CEP126: variants seen among roughly 807,000 people sequenced by gnomAD.
The protein encoded by CEP126 is centrosomal protein 126.
Under a neutral mutation model 107.8 loss-of-function variants are expected in CEP126, and 74 were observed. The ratio of observed to expected loss-of-function variants is 0.69; its 90% confidence interval spans 0.57 to 0.83. The LOEUF (loss-of-function observed/expected upper bound fraction) is 0.83, where lower values mean the gene tolerates loss of function less well. Among genes scored for constraint, CEP126 ranks in the 40% least tolerant of loss-of-function variants. The pLI, the probability that CEP126 is intolerant of heterozygous loss-of-function variation, is 0.00. For synonymous variants in CEP126, 449 were observed against 446.0 expected, an observed-to-expected ratio of 1.01 and a Z score of -0.08; for missense variants, 1,237 against 1,281.9, an observed-to-expected ratio of 0.96 and a Z score of 0.53.
At chr11:101,946,749 A>G (rs959059440) in intron 3 of CEP126, among the ~76,000 whole-genome samples, 2 of 151,788 alleles carry the variant, frequency 1.3e-5, no homozygotes, top group African/African-American at 2.4e-5. Flanking sequence ...AATCCCAACT[A>G]CTAGGAAGGC....
intron 9 of CEP126, among the ~76,000 whole-genome samples, chr11:101,987,967 T>TAAAAA (rs3043916): frequency 3.4e-5 from 5 of 145,822 alleles, no homozygotes; most frequent in East Asian, 2.0e-4. Flanking sequence ...AGCCTACAAT[T>TAAAAA]AAAAAAAAAG....
At chr11:101,926,829 T>C (rs1940419202) in intron 2 of CEP126, among the ~76,000 whole-genome samples, 1 of 152,190 alleles carries the variant, frequency 6.6e-6, no homozygotes, top group Non-Finnish European at 1.5e-5. Flanking sequence ...AGTGGTTTGA[T>C]CTTTTCTTCA....
chr11:101,991,318 ACTAT>A (rs1941378697), intron 9 of CEP126, among the ~76,000 whole-genome samples: 1 of 152,194 alleles, frequency 6.6e-6, no homozygotes, highest in South Asian at 2.1e-4. Context: ...AGACACAAAT[ACTAT>A]CTACCTCAGT....
intron 2 of CEP126, 109 bp from the exon 3 acceptor site, chr11:101,944,156 A>G: frequency 4.8e-6 from 5 of 1,051,608 alleles, no homozygotes; most frequent in Non-Finnish European, 6.5e-6. Flanking sequence ...TTGTTTTTAA[A>G]TAAAATTTTG....
rs148235786 is a variant in CEP126 at position 101,933,913 on chromosome 11, G to A, written c.249-10352G>A. Among the ~76,000 whole-genome samples, 1,303 of 150,574 alleles carry A rather than the reference G, an allele frequency of 8.7e-3. 10 individuals are homozygous for A. Among genetic ancestry groups the A allele is most frequent in the Non-Finnish European group, 0.014 (925 of 67,730 alleles). On this transcript the variant is annotated intron_variant, in intron 2 of 10. Transcript: ENST00000263468. ...ACCCCAAGTTGAGGAAAACATGGAT[G>A]AAGTAATTTTTTCGGTATGTGATAA...
intron 4 of CEP126, among the ~76,000 whole-genome samples, chr11:101,953,245 A>G (rs929222648): frequency 1.3e-5 from 2 of 152,226 alleles, no homozygotes; most frequent in Non-Finnish European, 2.9e-5. Context: ...GTTTCTTTGC[A>G]GTCCTCTTAG....
At chr11:101,922,181 T>TC (rs1333429085) in intron 1 of CEP126, among the ~76,000 whole-genome samples, 3 of 150,930 alleles carry the variant, frequency 2.0e-5, no homozygotes, top group Non-Finnish European at 4.4e-5. Context: ...TTTTTTTTTT[T>TC]GAGATGGAGT....
intron 4 of CEP126, among the ~76,000 whole-genome samples, chr11:101,954,219 G>T (rs936258234): frequency 2.6e-5 from 4 of 152,020 alleles, no homozygotes; most frequent in Non-Finnish European, 4.4e-5. Flanking sequence ...GTAGAGACTG[G>T]GTTTCACCAT....
intron 4 of CEP126, chr11:101,956,694 C>T (rs1378396482): frequency 1.5e-5 from 7 of 456,106 alleles, no homozygotes; most frequent in Non-Finnish European, 2.6e-5. Flanking sequence ...TCATCTTCCT[C>T]TCCAGGTTTG....
At chr11:101,986,784 C>A in intron 8 of CEP126, 48 bp from the exon 9 acceptor site, 2 of 1,429,214 alleles carry the variant, frequency 1.4e-6, no homozygotes, top group Non-Finnish European at 2.0e-6. Flanking sequence ...AAGGGCTGAT[C>A]TCAAAGACAA....
chr11:101,947,177 T>C (rs1358226080), intron 3 of CEP126, among the ~76,000 whole-genome samples: 3 of 152,124 alleles, frequency 2.0e-5, no homozygotes, highest in Non-Finnish European at 4.4e-5. Context: ...TGTTGGTGTT[T>C]TAAAGGAGAA....
Position 101,997,750 on chromosome 11 carries a change from A to G in CEP126, c.*107A>G, listed in dbSNP as rs1369054410. The G allele has an allele frequency of 5.4e-6, 8 of 1,495,130 alleles. No individual in the cohort carries two copies. In the Admixed American group the frequency reaches 7.1e-5, roughly 13 times the overall value. 92.6% of individuals were successfully genotyped at this position (1,495,130 alleles called of 1,614,324 possible). A position where few individuals can be genotyped will look rare whatever the true frequency, so the allele number is the denominator to read the frequency against. On this transcript the variant is annotated 3_prime_UTR_variant, in exon 11 of 11. Transcript: ENST00000263468. Reference sequence around the variant, plus strand: ...GGAAAACATGTGAGCAACAACCCCCATGAACATTTGTCCTAACTCAGATTT... The same window carrying G: ...GGAAAACATGTGAGCAACAACCCCCGTGAACATTTGTCCTAACTCAGATTT...
In CEP126 at chr11:101,915,036, G is replaced by C. The variant is rs751753088; in HGVS notation, c.-249G>C. On this transcript the variant is annotated 5_prime_UTR_variant, in exon 1 of 11. Transcript: ENST00000263468. ...CGCCGTCGGTTGTTGTCAAGATGGC[G>C]GCTGCAGGGTTGCTGCCGCCCCATC... 4.5e-6 allele frequency: 2 copies of C among 440,238 alleles called. No homozygotes were observed. The highest frequency in any genetic ancestry group is 8.0e-6 in the Non-Finnish European group (2 of 249,722). The allele number at this position is 440,238 out of a possible 1,614,324, so 27.3% of individuals were successfully genotyped here.
chr11:101,971,200 C>T (rs903059293), intron 6 of CEP126, among the ~76,000 whole-genome samples: 3 of 152,138 alleles, frequency 2.0e-5, no homozygotes, highest in African/African-American at 7.2e-5. Flanking sequence ...AACTCCTGAG[C>T]TCAGGCTCAG....
intron 6 of CEP126, among the ~76,000 whole-genome samples, chr11:101,975,234 G>A (rs534226677): frequency 2.6e-4 from 40 of 152,156 alleles, no homozygotes; most frequent in African/African-American, 8.4e-4. Flanking sequence ...TGACTCGTTC[G>A]TCAATTGTGA....
At chr11:101,958,026 G>A in intron 4 of CEP126, 142 bp from the exon 5 acceptor site, 1 of 712,874 alleles carries the variant, frequency 1.4e-6, no homozygotes, top group South Asian at 2.0e-5. Context: ...ATTCTAACAT[G>A]TCTATATATT....
intron 2 of CEP126, among the ~76,000 whole-genome samples, chr11:101,933,370 G>C (rs1214549013): frequency 1.3e-5 from 2 of 152,152 alleles, no homozygotes; most frequent in African/African-American, 4.8e-5. Flanking sequence ...AAAAATTACA[G>C]AAAGGTTGTT....
At chr11:101,944,871 T>TTATGGTTGGTTCTTTTG (rs1940714941) in intron 3 of CEP126, among the ~76,000 whole-genome samples, 1 of 152,138 alleles carries the variant, frequency 6.6e-6, no homozygotes, top group African/African-American at 2.4e-5. Context: ...TTAAATATGA[T>TTATGGTTGGTTCTTTTG]TATGGTTGGT....
At chr11:101,927,112 G>T (rs890140859) in intron 2 of CEP126, among the ~76,000 whole-genome samples, 1 of 152,168 alleles carries the variant, frequency 6.6e-6, no homozygotes, top group African/African-American at 2.4e-5. Context: ...GACCAGCCTG[G>T]CCAACCTGGT....
Sources: allele counts gnomAD v4.1 joint callset (sites outside exome capture counted in the v4.1 genomes callset), GRCh38; gene constraint gnomAD v4.1.1; transcripts MANE v1.5; gene names NCBI Gene and HGNC (gene_info 2026-07-23, HGNC 2026-07-21).